TMEM116: variants seen among roughly 807,000 people sequenced by gnomAD.
TMEM116 encodes transmembrane protein 116.
In TMEM116, 38 loss-of-function variants were observed where a neutral mutation model predicts 44.3. The ratio of observed to expected loss-of-function variants is 0.86; its 90% confidence interval spans 0.66 to 1.12. The LOEUF is 1.12. TMEM116 is among the 50% of genes most tolerant of loss of function. The pLI is 0.00. For synonymous variants in TMEM116, 132 were observed against 144.8 expected (o/e 0.91, Z 0.64); for missense variants, 354 against 401.7 (o/e 0.88, Z 1.01).
At position 112,003,425 on chromosome 12, in the gene TMEM116, G is replaced by A. The variant is rs566662795; in HGVS notation, c.78+375C>T. ...CTACCAAAAATACAAAAAATTAGCC[G>A]GACGTGGTGGCGGGTGCCTGTAGTC... On this transcript the variant is annotated intron_variant, in intron 3 of 10. Coordinates refer to ENST00000552374, the MANE Select transcript of TMEM116 (RefSeq NM_001193531.2). 6.1e-5 allele frequency: 10 copies of A among 163,758 alleles called. No individual in the cohort carries two copies. In the East Asian group the frequency reaches 9.3e-4, roughly 15 times the overall value. The allele number at this position is 163,758 out of a possible 1,614,324, so 10.1% of individuals were successfully genotyped here.
intron 4 of TMEM116, among the ~76,000 whole-genome samples, chr12:111,960,515 AAAAG>A (rs1244239650): frequency 7.3e-5 from 11 of 149,736 alleles, no homozygotes; most frequent in African/African-American, 2.7e-4. Context: ...AAAAAAAAAA[AAAAG>A]AAACTCACTC....
intron 4 of TMEM116, among the ~76,000 whole-genome samples, chr12:111,948,948 T>C (rs1185965600): frequency 6.9e-6 from 1 of 144,172 alleles, no homozygotes; most frequent in Non-Finnish European, 1.5e-5. Flanking sequence ...TAGCTGGGCA[T>C]GGTGGTGCAC....
chr12:111,987,637 A>G (rs551126138), intron 4 of TMEM116, among the ~76,000 whole-genome samples: 3 of 152,348 alleles, frequency 2.0e-5, no homozygotes, highest in African/African-American at 7.2e-5. Context: ...CAAAAGCACA[A>G]TGAGATACCA....
At chr12:111,957,618 TGGG>T (rs1204332191) in intron 4 of TMEM116, among the ~76,000 whole-genome samples, 3 of 143,420 alleles carry the variant, frequency 2.1e-5, no homozygotes, top group Non-Finnish European at 4.6e-5. Flanking sequence ...GTCCGGGAGG[TGGG>T]GGGCCCCTCT....
intron 9 of TMEM116, among the ~76,000 whole-genome samples, chr12:111,933,655 AT>A (rs141043717): frequency 0.18 from 26,171 of 141,520 alleles, 2,555 homozygotes; most frequent in African/African-American, 0.27. Context: ...CGCCCGGCTA[AT>A]TTTTTTTTTT....
chr12:111,992,524 C>G (rs552572846), intron 3 of TMEM116, among the ~76,000 whole-genome samples: 1 of 152,302 alleles, frequency 6.6e-6, no homozygotes, highest in South Asian at 2.1e-4. Flanking sequence ...CCTCCTCGGC[C>G]TCCCAAAGTG....
At chr12:111,991,980 G>A in intron 3 of TMEM116, 91 bp from the exon 4 acceptor site, 2 of 1,335,284 alleles carry the variant, frequency 1.5e-6, no homozygotes, top group Non-Finnish European at 2.0e-6. Flanking sequence ...GTTTCTAGTA[G>A]GAAACTGACA....
chr12:112,003,780 C>A lies in TMEM116; in HGVS notation c.78+20G>T. On this transcript the variant is annotated intron_variant, in intron 3 of 10. Transcript: ENST00000552374. ...AGGTCAATAAAAAGTTCAAATCCAA[C>A]ACAAAGAGAAATCACTCACCTCTGG... 6.6e-7 allele frequency: 1 copy of A among 1,509,036 alleles called. No homozygotes were observed. The highest frequency in any genetic ancestry group is 8.8e-7 in the Non-Finnish European group (1 of 1,139,558). The allele number at this position is 1,509,036 out of a possible 1,614,324, so 93.5% of individuals were successfully genotyped here. A position where few individuals can be genotyped will look rare whatever the true frequency, so the allele number is the denominator to read the frequency against.
chr12:111,931,486 A>G lies in TMEM116; in HGVS notation c.*135T>C, dbSNP rs1349506725. ...CAATTCATCTAGAATGACTACTAAC[A>G]ATGGCACTATATTTCCTTTGAGTTC... On this transcript the variant is annotated 3_prime_UTR_variant, in exon 11 of 11. Transcript: ENST00000552374. The G allele has an allele frequency of 6.5e-6, 5 of 772,094 alleles. No homozygotes were observed. Among genetic ancestry groups the G allele is most frequent in the Non-Finnish European group, 1.0e-5 (5 of 476,868 alleles). 47.8% of individuals were successfully genotyped at this position (772,094 alleles called of 1,614,324 possible).
intron 4 of TMEM116, among the ~76,000 whole-genome samples, chr12:111,974,292 C>T (rs2075533036): frequency 6.6e-6 from 1 of 152,136 alleles, no homozygotes; most frequent in Non-Finnish European, 1.5e-5. Context: ...TGTCCACTTT[C>T]ACCACTTTTA....
At chr12:112,000,486 C>T (rs1459737387) in intron 3 of TMEM116, among the ~76,000 whole-genome samples, 1 of 151,920 alleles carries the variant, frequency 6.6e-6, no homozygotes, top group Admixed American at 6.6e-5. Context: ...AGCAAATATT[C>T]CAGTCCTGGA....
At chr12:112,002,393 CAA>C (rs1160168400) in intron 3 of TMEM116, among the ~76,000 whole-genome samples, 33 of 66,916 alleles carry the variant, frequency 4.9e-4, no homozygotes, top group African/African-American at 1.0e-3. Context: ...AACTCTGTCT[CAA>C]AAAAAAAAAA....
intron 4 of TMEM116, among the ~76,000 whole-genome samples, chr12:111,944,092 T>C (rs1393839139): frequency 6.6e-6 from 1 of 152,098 alleles, no homozygotes; most frequent in East Asian, 1.9e-4. Context: ...CTGAATAAGA[T>C]ATTTTTTAAA....
intron 3 of TMEM116, among the ~76,000 whole-genome samples, chr12:111,995,608 G>A (rs535719052): frequency 1.5e-3 from 229 of 151,480 alleles, no homozygotes; most frequent in Non-Finnish European, 1.7e-3. Context: ...CATGGTGGCG[G>A]GCGCCTGTAA....
At chr12:111,995,695 GCCA>G (rs1163418696) in intron 3 of TMEM116, among the ~76,000 whole-genome samples, 1 of 151,638 alleles carries the variant, frequency 6.6e-6, no homozygotes, top group African/African-American at 2.4e-5. Flanking sequence ...CCGAGATCAT[GCCA>G]CTGCACTCCA....
chr12:112,001,480 T>C (rs368756940), intron 3 of TMEM116, among the ~76,000 whole-genome samples: 6 of 152,176 alleles, frequency 3.9e-5, no homozygotes, highest in African/African-American at 7.2e-5. Context: ...CCTGGACCAT[T>C]TGGCATTGTT....
chr12:111,968,019 C>T (rs2075079726), intron 4 of TMEM116, among the ~76,000 whole-genome samples: 1 of 151,878 alleles, frequency 6.6e-6, no homozygotes, highest in South Asian at 2.1e-4. Flanking sequence ...ACTGAGAGTC[C>T]AAGGAGACCA....
At chr12:111,974,997 G>A (rs753477790) in intron 4 of TMEM116, among the ~76,000 whole-genome samples, 2 of 152,136 alleles carry the variant, frequency 1.3e-5, no homozygotes, top group Non-Finnish European at 2.9e-5. Flanking sequence ...GAGAGATACT[G>A]AAGAAGACCT....
At chr12:111,953,015 T>G (rs1282170208) in intron 4 of TMEM116, among the ~76,000 whole-genome samples, 1 of 152,204 alleles carries the variant, frequency 6.6e-6, no homozygotes, top group East Asian at 1.9e-4. Flanking sequence ...GAGATTATCA[T>G]ATTACTATGA....
Sources: gnomAD v4.1 joint callset for allele counts (sites outside exome capture counted in the v4.1 genomes callset) on GRCh38, gnomAD v4.1.1 for gene constraint, MANE v1.5 for transcripts, NCBI Gene and HGNC (gene_info 2026-07-23, HGNC 2026-07-21) for gene names.